The following SPAG16 variants were observed in gnomAD, a reference collection of about 807,000 sequenced individuals.
SPAG16 encodes sperm-associated antigen 16 protein.
SPAG16 carries 86 observed loss-of-function variants against 80.4 expected under a neutral mutation model. The observed-to-expected ratio is 1.07, with a 90% CI of 0.90 to 1.28. The LOEUF (loss-of-function observed/expected upper bound fraction) is 1.28, where lower values mean the gene tolerates loss of function less well. Among genes scored for constraint, SPAG16 ranks in the 50% most tolerant of loss-of-function variants. SPAG16 has a pLI of 0.00. For synonymous variants in SPAG16, 294 were observed against 265.9 expected (o/e 1.11, Z -1.03); for missense variants, 870 against 765.3 (o/e 1.14, Z -1.61).
chr2:213,789,978 CTTATA>C (rs2070588092), intron 10 of SPAG16, among the ~76,000 whole-genome samples: 1 of 151,932 alleles, frequency 6.6e-6, no homozygotes, highest in Non-Finnish European at 1.5e-5. Context: ...TTCTTAACCA[CTTATA>C]TTAATTAAAA....
intron 13 of SPAG16, among the ~76,000 whole-genome samples, chr2:214,041,968 GTCTGTGTGTGTATATATATATATATA>G (rs1416331267): frequency 8.5e-4 from 61 of 71,512 alleles, no homozygotes; most frequent in African/African-American, 2.1e-3. Context: ...ATATTTGTGT[GTCTGTGTGTGTATATATATATATATA>G]TATATATATA....
intron 15 of SPAG16, among the ~76,000 whole-genome samples, chr2:214,262,489 C>T (rs1263034153): frequency 6.6e-6 from 1 of 151,996 alleles, no homozygotes; most frequent in Non-Finnish European, 1.5e-5. Context: ...CACAAAACAG[C>T]AACCACCACA....
chr2:214,268,849 A>T (rs910017622), intron 15 of SPAG16, among the ~76,000 whole-genome samples: 1 of 151,956 alleles, frequency 6.6e-6, no homozygotes, highest in Non-Finnish European at 1.5e-5. Context: ...CAGGCCATGC[A>T]TGGAAGAGCT....
At chr2:213,470,221 G>A (rs945625649) in intron 9 of SPAG16, among the ~76,000 whole-genome samples, 4 of 152,162 alleles carry the variant, frequency 2.6e-5, no homozygotes, top group Non-Finnish European at 5.9e-5. Flanking sequence ...CCATTGCACA[G>A]TTTTTATCAG....
intron 10 of SPAG16, among the ~76,000 whole-genome samples, chr2:213,579,310 C>T (rs2060226103): frequency 6.6e-6 from 1 of 152,130 alleles, no homozygotes; most frequent in African/African-American, 2.4e-5. Context: ...AGCTATTTCA[C>T]TGCTCTCTCT....
At chr2:213,531,779 T>G (rs1028094931) in intron 10 of SPAG16, among the ~76,000 whole-genome samples, 2 of 152,192 alleles carry the variant, frequency 1.3e-5, no homozygotes, top group African/African-American at 4.8e-5. Flanking sequence ...TCTTTTTTAC[T>G]AATTTTTCTG....
At position 213,440,352 on chromosome 2, in the gene SPAG16, A is replaced by G. The variant is rs946494473; in HGVS notation, c.943-49611A>G. On this transcript the variant is annotated intron_variant, in intron 9 of 15. Coordinates refer to ENST00000331683, the MANE Select transcript of SPAG16 (RefSeq NM_024532.5). Reference sequence around the variant, plus strand: ...ATCACGAGGTCAGGAGATTGAGACCATCCTGGCTAACACAGTGAAACCTAG... The same window carrying G: ...ATCACGAGGTCAGGAGATTGAGACCGTCCTGGCTAACACAGTGAAACCTAG... Among the ~76,000 whole-genome samples the G allele has an allele frequency of 2.6e-5, 4 of 152,056 alleles. 1 individual carries two copies. The highest frequency in any genetic ancestry group is 1.3e-4 in the Admixed American group (2 of 15,268).
intron 1 of SPAG16, among the ~76,000 whole-genome samples, chr2:213,294,473 A>G (rs926763236): frequency 6.6e-6 from 1 of 152,248 alleles, no homozygotes; most frequent in African/African-American, 2.4e-5. Flanking sequence ...AGTATTTAAT[A>G]TGGATGAATT....
intron 12 of SPAG16, among the ~76,000 whole-genome samples, chr2:213,970,014 T>C (rs2044937700): frequency 6.6e-6 from 1 of 152,300 alleles, no homozygotes; most frequent in East Asian, 1.9e-4. Context: ...GATTTGGTGT[T>C]TGGTGAGGGC....
chr2:213,344,376 G>GT (rs946079309), intron 6 of SPAG16, among the ~76,000 whole-genome samples: 1 of 151,610 alleles, frequency 6.6e-6, no homozygotes, highest in Non-Finnish European at 1.5e-5. Flanking sequence ...ATTCACTGGA[G>GT]TTTTTTTCTT....
At chr2:214,038,922 T>A (rs1451304384) in intron 13 of SPAG16, among the ~76,000 whole-genome samples, 1 of 152,208 alleles carries the variant, frequency 6.6e-6, no homozygotes, top group African/African-American at 2.4e-5. Context: ...TGGGCCACAT[T>A]TTCTTAATCC....
chr2:213,723,448 G>A (rs996798958), intron 10 of SPAG16, among the ~76,000 whole-genome samples: 8 of 152,278 alleles, frequency 5.3e-5, no homozygotes, highest in Non-Finnish European at 8.8e-5. Context: ...AAGTCTGAGG[G>A]AAAGATGGGT....
rs142726835 is a variant in SPAG16 at position 213,885,229 on chromosome 2, G to T, written c.1214+22601G>T. On this transcript the variant is annotated intron_variant, in intron 11 of 15. Transcript: ENST00000331683. ...CTTTGTTTCACAGAAGGGTATATTAGCAAAGTATTTTTGGTGTTGTAGTTT... is the reference window on the plus strand; with the variant it reads ...CTTTGTTTCACAGAAGGGTATATTATCAAAGTATTTTTGGTGTTGTAGTTT... 1.2e-4 allele frequency among the ~76,000 whole-genome samples: 18 copies of T among 152,278 alleles called. No individual in the cohort carries two copies. In the East Asian group the frequency reaches 3.5e-3, roughly 29 times the overall value.
chr2:213,887,707 A>G (rs2076615889), intron 11 of SPAG16, among the ~76,000 whole-genome samples: 1 of 151,384 alleles, frequency 6.6e-6, no homozygotes, highest in Admixed American at 6.6e-5. Flanking sequence ...AAAATTTTTA[A>G]AATTATATAT....
At position 214,010,510 on chromosome 2, in the gene SPAG16, C is replaced by G. The variant is rs879873706; in HGVS notation, c.1401-3441C>G. ...TGAACTTCAGTATTTGGGAAAGAAACTGTAAGGGCTCTTGGGTGTAAACAG... is the reference window on the plus strand; with the variant it reads ...TGAACTTCAGTATTTGGGAAAGAAAGTGTAAGGGCTCTTGGGTGTAAACAG... On this transcript the variant is annotated intron_variant, in intron 12 of 15. Coordinates refer to ENST00000331683, the MANE Select transcript of SPAG16 (RefSeq NM_024532.5). Among the ~76,000 whole-genome samples, 44 of 146,464 alleles carry G rather than the reference C, an allele frequency of 3.0e-4. 8 individuals are homozygous for G. Among genetic ancestry groups the G allele is most frequent in the African/African-American group, 9.9e-4 (37 of 37,482 alleles).
chr2:214,266,464 A>C (rs1440470680), intron 15 of SPAG16, among the ~76,000 whole-genome samples: 1 of 151,842 alleles, frequency 6.6e-6, no homozygotes, highest in Non-Finnish European at 1.5e-5. Flanking sequence ...ATATAGAATG[A>C]ATGTTCCACA....
chr2:214,380,775 T>C (rs530478316), intron 15 of SPAG16, among the ~76,000 whole-genome samples: 1 of 152,354 alleles, frequency 6.6e-6, no homozygotes, highest in African/African-American at 2.4e-5. Flanking sequence ...AGCAGCAGTA[T>C]GCTGAACATG....
intron 15 of SPAG16, among the ~76,000 whole-genome samples, chr2:214,153,606 T>A (rs181397356): frequency 5.3e-5 from 8 of 152,224 alleles, no homozygotes; most frequent in South Asian, 4.2e-4. Context: ...TGAGAGAAAT[T>A]AAACATATTG....
At chr2:214,203,053 T>C (rs1019821462) in intron 15 of SPAG16, among the ~76,000 whole-genome samples, 2 of 152,200 alleles carry the variant, frequency 1.3e-5, no homozygotes, top group African/African-American at 4.8e-5. Flanking sequence ...TCTGGAAACC[T>C]AAATTATTCT....
Sources: gnomAD v4.1 joint callset for allele counts (sites outside exome capture counted in the v4.1 genomes callset) on GRCh38, gnomAD v4.1.1 for gene constraint, MANE v1.5 for transcripts, NCBI Gene and HGNC (gene_info 2026-07-23, HGNC 2026-07-21) for gene names.